Variants in NRG2 observed in about 807,000 individuals in gnomAD.
NRG2 encodes neuregulin 2.
NRG2 carries 27 observed loss-of-function variants against 73.9 expected under a neutral mutation model. The observed-to-expected ratio is 0.37, with a 90% CI of 0.27 to 0.50. NRG2 has a LOEUF of 0.50. Among genes scored for constraint, NRG2 ranks in the 20% least tolerant of loss-of-function variants. NRG2 has a pLI of 0.96. For synonymous variants in NRG2, 532 were observed against 541.0 expected (o/e 0.98, Z 0.23); for missense variants, 1,126 against 1,210.1 (o/e 0.93, Z 1.03).
At chr5:139,911,386 G>A (rs118147969) in intron 1 of NRG2, among the ~76,000 whole-genome samples, 4 of 152,122 alleles carry the variant, frequency 2.6e-5, no homozygotes, top group African/African-American at 4.8e-5. Context: ...GTAGAGGAGC[G>A]GATGACCCCC....
intron 1 of NRG2, among the ~76,000 whole-genome samples, chr5:139,989,561 A>G (rs988873731): frequency 6.6e-6 from 1 of 151,886 alleles, no homozygotes; most frequent in African/African-American, 2.4e-5. Flanking sequence ...ACATATTTTT[A>G]AAGTTTTTAA....
intron 1 of NRG2, among the ~76,000 whole-genome samples, chr5:139,989,984 T>C (rs1183026993): frequency 6.6e-6 from 1 of 151,306 alleles, no homozygotes; most frequent in Non-Finnish European, 1.5e-5. Flanking sequence ...GAGACGGGGT[T>C]TCACCATGTT....
At chr5:139,971,737 G>C (rs1357410358) in intron 1 of NRG2, among the ~76,000 whole-genome samples, 3 of 152,130 alleles carry the variant, frequency 2.0e-5, no homozygotes, top group Non-Finnish European at 2.9e-5. Flanking sequence ...TCTATCAATA[G>C]AAAATTATGC....
intron 1 of NRG2, among the ~76,000 whole-genome samples, chr5:139,995,440 C>T (rs115609386): frequency 0.013 from 2,032 of 152,266 alleles, 46 homozygotes; most frequent in African/African-American, 0.046. Flanking sequence ...CCGCCACAGA[C>T]GCAGACGGGC....
intron 1 of NRG2, among the ~76,000 whole-genome samples, chr5:139,939,569 C>G (rs1753233448): frequency 6.6e-6 from 1 of 152,156 alleles, no homozygotes; most frequent in Non-Finnish European, 1.5e-5. Context: ...GTCACCACAT[C>G]TGGCCAGATT....
chr5:140,004,216 A>T (rs1758718305), intron 1 of NRG2, among the ~76,000 whole-genome samples: 1 of 152,210 alleles, frequency 6.6e-6, no homozygotes, highest in South Asian at 2.1e-4. Context: ...TCAAGGAATG[A>T]TATGTCTTAT....
At position 139,852,543 on chromosome 5, in the gene NRG2, A is replaced by C; in HGVS notation, c.1433T>G (p.Val478Gly). 6.2e-7 allele frequency: 1 copy of C among 1,613,972 alleles called. No individual in the cohort carries two copies. Among genetic ancestry groups the C allele is most frequent in the Non-Finnish European group, 8.5e-7 (1 of 1,179,948 alleles). The part of the protein sequence containing the change: ...IQMADYISKN[V>G]PATDHVIRRE... Reference sequence around the variant, plus strand: ...CCTGATGACATGGTCTGTGGCTGGCACGTTCTTGGAAATATACTGGAACAG... The same window carrying C: ...CCTGATGACATGGTCTGTGGCTGGCCCGTTCTTGGAAATATACTGGAACAG... The change falls in exon 8 of 10, where the codon GTG becomes GGG. Residue 478 changes from valine to glycine, a missense_variant. By Grantham distance (109) the Val-to-Gly change is moderately radical (BLOSUM62 -3). This residue lies in a region of NRG2 where 539 missense variants were observed against 703.2 expected (regional missense o/e 0.77). Coordinates refer to ENST00000361474, the MANE Select transcript of NRG2 (RefSeq NM_004883.3). The surrounding 1 kb of genome is among the most constrained non-coding windows in gnomAD (Gnocchi z 4.4).
intron 1 of NRG2, among the ~76,000 whole-genome samples, chr5:139,982,376 A>T (rs1039129462): frequency 1.3e-5 from 2 of 151,860 alleles, no homozygotes; most frequent in African/African-American, 4.8e-5. Flanking sequence ...TTTACGGTGG[A>T]TCCAAACCGC....
chr5:140,028,550 T>C (rs970444524), intron 1 of NRG2, among the ~76,000 whole-genome samples: 2 of 152,142 alleles, frequency 1.3e-5, no homozygotes, highest in African/African-American at 2.4e-5. Context: ...CAACTACACA[T>C]AGACCTGATT....
At chr5:139,969,782 C>T (rs1279409497) in intron 1 of NRG2, among the ~76,000 whole-genome samples, 1 of 152,194 alleles carries the variant, frequency 6.6e-6, no homozygotes, top group Non-Finnish European at 1.5e-5. Flanking sequence ...CTTTGGCTTA[C>T]ACTGCATTCA....
intron 1 of NRG2, among the ~76,000 whole-genome samples, chr5:139,932,083 C>T (rs759007159): frequency 2.0e-4 from 31 of 152,152 alleles, no homozygotes; most frequent in Non-Finnish European, 3.7e-4. Context: ...TCCCCCTTTT[C>T]GGTATATCCC....
chr5:139,890,620 C>T (rs1764160062), intron 1 of NRG2, among the ~76,000 whole-genome samples: 1 of 152,030 alleles, frequency 6.6e-6, no homozygotes, highest in African/African-American at 2.4e-5. Context: ...CCTGCATCTG[C>T]TCTGGAGTCC....
At chr5:139,969,007 C>T (rs1012308386) in intron 1 of NRG2, among the ~76,000 whole-genome samples, 6 of 152,238 alleles carry the variant, frequency 3.9e-5, no homozygotes, top group African/African-American at 1.4e-4. Flanking sequence ...GGAAAGCTGC[C>T]GGCAGAGGGT....
At chr5:139,910,751 G>T (rs1765520871) in intron 1 of NRG2, among the ~76,000 whole-genome samples, 1 of 152,138 alleles carries the variant, frequency 6.6e-6, no homozygotes, top group Non-Finnish European at 1.5e-5. Flanking sequence ...GCCTGAGCTG[G>T]GACTCTGGTT....
At chr5:139,991,445 A>T (rs1264313325) in intron 1 of NRG2, among the ~76,000 whole-genome samples, 1 of 151,896 alleles carries the variant, frequency 6.6e-6, no homozygotes, top group Non-Finnish European at 1.5e-5. Context: ...TTTACATTTC[A>T]TATTATTATT....
chr5:139,998,747 C>T (rs1447236574), intron 1 of NRG2, among the ~76,000 whole-genome samples: 1 of 92,634 alleles, frequency 1.1e-5, no homozygotes, highest in Non-Finnish European at 2.1e-5. Context: ...AACAAACAAA[C>T]AAACACTATC....
chr5:139,924,952 C>T (rs1751942685), intron 1 of NRG2, among the ~76,000 whole-genome samples: 1 of 152,082 alleles, frequency 6.6e-6, no homozygotes, highest in African/African-American at 2.4e-5. Flanking sequence ...GTGTGGGGAT[C>T]TCGAGAAGAG....
Position 139,967,851 on chromosome 5 carries a change from C to T in NRG2, c.700+74519G>A, listed in dbSNP as rs1448624137. ...GCGGGCGCCTGTAGTCCCAGCTACT[C>T]AGGAGGCTGAGGCAGGAGAATCCCT... On this transcript the variant is annotated intron_variant, in intron 1 of 9. Coordinates refer to ENST00000361474, the MANE Select transcript of NRG2 (RefSeq NM_004883.3). Among the ~76,000 whole-genome samples the T allele has an allele frequency of 2.0e-5, 3 of 151,952 alleles. No individual in the cohort carries two copies. In the East Asian group the frequency reaches 5.8e-4, roughly 29 times the overall value.
At chr5:139,861,642 C>T in intron 5 of NRG2, 1 of 464,706 alleles carries the variant, frequency 2.2e-6, no homozygotes, top group East Asian at 6.5e-5. Context: ...TTTGCATTCC[C>T]ACTCTGACTG....
Sources: gnomAD v4.1 joint callset for allele counts (sites outside exome capture counted in the v4.1 genomes callset) on GRCh38, gnomAD v4.1.1 for gene constraint, gnomAD v4.1.1 regional missense constraint, Gnocchi (gnomAD v3.1) non-coding constraint, MANE v1.5 for transcripts, NCBI Gene and HGNC (gene_info 2026-07-23, HGNC 2026-07-21) for gene names.